Variants in TMEM51 observed in about 807,000 individuals in gnomAD.
TMEM51 encodes the protein transmembrane protein 51, also known as chromosome 1 open reading frame 72.
TMEM51 carries 8 observed loss-of-function variants against 13.6 expected under a neutral mutation model. The observed-to-expected ratio is 0.59, with a 90% CI of 0.35 to 1.07. The LOEUF (loss-of-function observed/expected upper bound fraction) is 1.07. TMEM51 is among the 50% of genes least tolerant of loss of function. TMEM51 has a pLI of 0.02. For missense variants in TMEM51, 279 were observed against 330.7 expected (o/e 0.84, Z 1.21); for synonymous variants, 147 against 144.4 (o/e 1.02, Z -0.13).
At chr1:15,215,669 A>G (rs911354571) in intron 3 of TMEM51, among the ~76,000 whole-genome samples, 1 of 152,370 alleles carries the variant, frequency 6.6e-6, no homozygotes, top group African/African-American at 2.4e-5. Flanking sequence ...AAGATTTTTT[A>G]AAAATTTTAT....
chr1:15,215,526 C>G, intron 3 of TMEM51, 95 bp downstream of exon 3: 8 of 1,144,006 alleles, frequency 7.0e-6, no homozygotes, highest in Non-Finnish European at 9.6e-6. Flanking sequence ...AAAAGACTGT[C>G]ATCTACAGGC....
chr1:15,219,530 T>C lies in TMEM51; in HGVS notation c.549T>C (p.Pro183=). The change falls in exon 4 of 4, where the codon CCT becomes CCC. Residue 183 remains proline, a synonymous_variant. Coordinates refer to ENST00000376008, the MANE Select transcript of TMEM51 (RefSeq NM_001136218.2). Reference sequence around the variant, plus strand: ...CCAGGGCTGACGTGGAGGCCAGCCCTGGGAACCCCCCTGACAGGCAGAACT... The same window carrying C: ...CCAGGGCTGACGTGGAGGCCAGCCCCGGGAACCCCCCTGACAGGCAGAACT... ...TSTRADVEAS[P]GNPPDRQNSK... 6.2e-7 allele frequency: 1 copy of C among 1,614,030 alleles called. No individual in the cohort carries two copies. Among genetic ancestry groups the C allele is most frequent in the African/African-American group, 1.3e-5 (1 of 75,008 alleles).
At chr1:15,198,515 C>G (rs1171986979) in intron 1 of TMEM51, among the ~76,000 whole-genome samples, 2 of 152,120 alleles carry the variant, frequency 1.3e-5, no homozygotes, top group Non-Finnish European at 2.9e-5. Flanking sequence ...CTCCCGGGTT[C>G]AAGTGATTCT....
At chr1:15,191,926 T>C (rs916820231) in intron 1 of TMEM51, 1 of 531,108 alleles carries the variant, frequency 1.9e-6, no homozygotes, top group Non-Finnish European at 3.8e-6. Flanking sequence ...TTCCAGAAGT[T>C]GTAGGCGTCT....
chr1:15,180,386 A>G (rs959408332), intron 1 of TMEM51, among the ~76,000 whole-genome samples: 3 of 152,232 alleles, frequency 2.0e-5, no homozygotes, highest in Admixed American at 6.5e-5. Context: ...TGTGCTGGGA[A>G]CAGAGGCCAG....
Position 15,205,775 on chromosome 1 carries a change from A to G in TMEM51, c.-266-4715A>G, listed in dbSNP as rs1301671556. 2.0e-5 allele frequency among the ~76,000 whole-genome samples: 3 copies of G among 152,182 alleles called. No individual in the cohort carries two copies. In the East Asian group the frequency reaches 5.8e-4, roughly 29 times the overall value. On this transcript the variant is annotated intron_variant, in intron 1 of 3. Coordinates refer to ENST00000376008, the MANE Select transcript of TMEM51 (RefSeq NM_001136218.2). ...GCCTGGCACAGAATTGGCATTCAAC[A>G]CACATTGATGCTTTCTCTGACGCTG...
At chr1:15,195,652 C>T (rs1644032784) in intron 1 of TMEM51, among the ~76,000 whole-genome samples, 1 of 152,170 alleles carries the variant, frequency 6.6e-6, no homozygotes, top group Non-Finnish European at 1.5e-5. Flanking sequence ...AGATTACTAC[C>T]AGCTAGGGCT....
rs551725487 is a variant in TMEM51 at position 15,214,977 on chromosome 1, T to C, written c.-111T>C. 59 of 1,040,464 alleles carry C rather than the reference T, an allele frequency of 5.7e-5. No homozygotes were observed. Among genetic ancestry groups the C allele is most frequent in the Middle Eastern group, 6.0e-4 (2 of 3,336 alleles). The allele number at this position is 1,040,464 out of a possible 1,614,324, so 64.5% of individuals were successfully genotyped here. A position where few individuals can be genotyped will look rare whatever the true frequency, so the allele number is the denominator to read the frequency against. ...CAGGAGTTCAGCTGATATTTTCTAG[T>C]GTGGGGCGAGAGATTTTGTGGAGCG... On this transcript the variant is annotated 5_prime_UTR_variant, in exon 3 of 4. Coordinates refer to ENST00000376008, the MANE Select transcript of TMEM51 (RefSeq NM_001136218.2).
At chr1:15,216,476 T>C (rs1644434948) in intron 3 of TMEM51, among the ~76,000 whole-genome samples, 1 of 152,200 alleles carries the variant, frequency 6.6e-6, no homozygotes. Flanking sequence ...CCTATCATAT[T>C]GATCAAGATA....
upstream of TMEM51, among the ~76,000 whole-genome samples, chr1:15,153,439 C>A (rs1360406976): frequency 2.6e-5 from 4 of 152,204 alleles, no homozygotes; most frequent in African/African-American, 4.8e-5. Context: ...ATTCTCTGGG[C>A]CCTAGGGAGG....
At chr1:15,187,121 G>A (rs1049218178) in intron 1 of TMEM51, among the ~76,000 whole-genome samples, 1 of 152,124 alleles carries the variant, frequency 6.6e-6, no homozygotes, top group Non-Finnish European at 1.5e-5. Context: ...AGAGGCCACA[G>A]CTATCCAGTG....
intron 1 of TMEM51, among the ~76,000 whole-genome samples, chr1:15,183,246 C>A (rs1265580107): frequency 6.6e-6 from 1 of 152,162 alleles, no homozygotes; most frequent in Non-Finnish European, 1.5e-5. Context: ...CAGCAGAATT[C>A]TTTATTTTAT....
chr1:15,195,189 T>A (rs1644023939), intron 1 of TMEM51, among the ~76,000 whole-genome samples: 1 of 152,070 alleles, frequency 6.6e-6, no homozygotes. Flanking sequence ...TACCTCGGCC[T>A]CCCAAAGTGC....
intron 1 of TMEM51, among the ~76,000 whole-genome samples, chr1:15,165,777 C>G (rs1642972781): frequency 6.6e-6 from 1 of 152,078 alleles, no homozygotes; most frequent in South Asian, 2.1e-4. Context: ...TGGTCCTCAA[C>G]CACTAAAAAT....
In TMEM51 at chr1:15,192,450, C is replaced by T. The variant is rs201581138; in HGVS notation, c.-266-18040C>T. On this transcript the variant is annotated intron_variant, in intron 1 of 3. Coordinates refer to ENST00000376008, the MANE Select transcript of TMEM51 (RefSeq NM_001136218.2). ...ACTTTTTTTCTTTCTTTCTTTCTTT[C>T]TTTTCTTTTCCTTTTTTTTTATGAC... The T allele has an allele frequency of 1.7e-3, 176 of 105,010 alleles. 5 individuals carry two copies. The highest frequency in any genetic ancestry group is 9.3e-3 in the South Asian group (138 of 14,894). 6.5% of individuals were successfully genotyped at this position (105,010 alleles called of 1,614,324 possible). A position where few individuals can be genotyped will look rare whatever the true frequency, so the allele number is the denominator to read the frequency against.
chr1:15,210,965 TGAA>T (rs1300410981), intron 2 of TMEM51, among the ~76,000 whole-genome samples: 3 of 152,098 alleles, frequency 2.0e-5, no homozygotes, highest in African/African-American at 7.2e-5. Context: ...GGGCTGAACT[TGAA>T]GAACAAATCT....
At chr1:15,155,796 C>G (rs1450295535) in intron 1 of TMEM51, among the ~76,000 whole-genome samples, 1 of 143,910 alleles carries the variant, frequency 6.9e-6, no homozygotes, top group East Asian at 2.2e-4. Context: ...TGGCCGAGCA[C>G]CTTCTGTGGG....
intron 1 of TMEM51, among the ~76,000 whole-genome samples, chr1:15,199,921 G>A (rs1421145853): frequency 6.6e-6 from 1 of 152,146 alleles, no homozygotes; most frequent in Non-Finnish European, 1.5e-5. Flanking sequence ...GCTGGGAGAT[G>A]ATGTGTGAAA....
At chr1:15,175,636 G>C (rs1165391991) in intron 1 of TMEM51, among the ~76,000 whole-genome samples, 2 of 152,218 alleles carry the variant, frequency 1.3e-5, no homozygotes, top group Non-Finnish European at 2.9e-5. Context: ...GGCTGGGGAG[G>C]CCTCACTGTC....
Sources: gnomAD v4.1 joint callset for allele counts (sites outside exome capture counted in the v4.1 genomes callset) on GRCh38, gnomAD v4.1.1 for gene constraint, MANE v1.5 for transcripts, NCBI Gene and HGNC (gene_info 2026-07-23, HGNC 2026-07-21) for gene names.